Variants in SLC6A4 observed in about 807,000 individuals in gnomAD.
SLC6A4 encodes the protein solute carrier family 6 member 4.
SLC6A4 carries 22 observed loss-of-function variants against 73.4 expected under a neutral mutation model. The ratio of observed to expected loss-of-function variants is 0.30; its 90% confidence interval spans 0.21 to 0.43. SLC6A4 has a LOEUF of 0.43. SLC6A4 is among the 20% of genes least tolerant of loss of function. The pLI, the probability that SLC6A4 is intolerant of heterozygous loss-of-function variation, is 1.00. For synonymous variants in SLC6A4, 270 were observed against 315.5 expected (o/e 0.86, Z 1.53); for missense variants, 593 against 808.5 (o/e 0.73, Z 3.23).
At position 30,210,262 on chromosome 17, in the gene SLC6A4, A is replaced by C. The variant is rs80174841; in HGVS notation, c.1449+253T>G. 4.4e-3 allele frequency among the ~76,000 whole-genome samples: 675 copies of C among 152,300 alleles called. 6 individuals are homozygous for C. The highest frequency in any genetic ancestry group is 0.015 in the African/African-American group (638 of 41,566). On this transcript the variant is annotated intron_variant, in intron 11 of 14. Coordinates refer to ENST00000650711, the MANE Select transcript of SLC6A4 (RefSeq NM_001045.6). ...CCTAATTTTCTCCAGATAGTTTTTG[A>C]AGCCTGAAATCTAGTGGGATCTGCG...
rs1762125959 is a variant in SLC6A4 at position 30,235,438 on chromosome 17, C to T, written c.-221+175G>A. Among the ~76,000 whole-genome samples, 1 of 152,248 alleles carries T rather than the reference C, an allele frequency of 6.6e-6. No homozygotes were observed. ...TGGCCGGTCAGCTTCAGCTCTGGCT[C>T]TTGCTGAGCGTGGAGGGCGCAGGGG... On this transcript the variant is annotated intron_variant, in intron 1 of 14. Transcript: ENST00000650711. This position sits in a 1 kb window ranked among gnomAD's most constrained non-coding sequence, Gnocchi z 4.5.
In SLC6A4 at chr17:30,220,778, G is replaced by A. The variant is rs1004620645; in HGVS notation, c.343+838C>T. 5.3e-5 allele frequency among the ~76,000 whole-genome samples: 8 copies of A among 152,124 alleles called. No homozygotes were observed. The East Asian group carries it at 9.7e-4, about 18-fold the overall frequency. On this transcript the variant is annotated intron_variant, in intron 3 of 14. Transcript: ENST00000650711. ...TGAAGGGACTCAGCACAGGGCTGACGGCCATTCCCTCACTTCTGGCTGGGG... is the reference window on the plus strand; with the variant it reads ...TGAAGGGACTCAGCACAGGGCTGACAGCCATTCCCTCACTTCTGGCTGGGG...
intron 14 of SLC6A4, among the ~76,000 whole-genome samples, chr17:30,199,217 ATGGATCTGAAATATACT>A (rs1261359820): frequency 6.6e-6 from 1 of 151,866 alleles, no homozygotes; most frequent in Non-Finnish European, 1.5e-5. Flanking sequence ...AAGCTTTAAG[ATGGATCTGAAATATACT>A]TGGGCTTAGG....
At chr17:30,210,321 G>A (rs773348084) in intron 11 of SLC6A4, among the ~76,000 whole-genome samples, 194 bp downstream of exon 11, 5 of 152,160 alleles carry the variant, frequency 3.3e-5, no homozygotes, top group Non-Finnish European at 5.9e-5. Context: ...TACTATGCAC[G>A]GAATCTGCAA....
At chr17:30,233,300 T>C (rs1907169851) in intron 1 of SLC6A4, among the ~76,000 whole-genome samples, 1 of 152,118 alleles carries the variant, frequency 6.6e-6, no homozygotes, top group African/African-American at 2.4e-5. Flanking sequence ...CTGGGGGCTA[T>C]TTCTACCGCA....
intron 10 of SLC6A4, 63 bp from the exon 11 acceptor site, chr17:30,210,709 A>G: frequency 1.3e-6 from 2 of 1,532,406 alleles, no homozygotes; most frequent in Non-Finnish European, 1.8e-6. Context: ...CCTTCAGGAC[A>G]GTGAACAGGA....
chr17:30,211,352 A>T lies in SLC6A4; in HGVS notation c.1277T>A (p.Ile426Asn). The change falls in exon 10 of 15, where the codon ATC (isoleucine) becomes AAC (asparagine). Residue 426 changes from isoleucine to asparagine, a missense_variant. Transcript: ENST00000650711. This position sits in a 1 kb window ranked among gnomAD's most constrained non-coding sequence, Gnocchi z 4.0. ...CAGCGTGATTAACATCAGAAAGAAG[A>T]TGATGGCAAAGAAAGTGGACGCTGG... is the stretch of plus-strand genomic sequence containing the variant. The part of the protein sequence containing the change: ...NMPASTFFAI[I>N]FFLMLITLGL... 2 of 1,613,608 alleles carry T rather than the reference A, an allele frequency of 1.2e-6. No individual in the cohort carries two copies. The highest frequency in any genetic ancestry group is 1.1e-5 in the South Asian group (1 of 91,062).
chr17:30,202,961 T>G (rs1157660964), intron 14 of SLC6A4, among the ~76,000 whole-genome samples: 1 of 152,230 alleles, frequency 6.6e-6, no homozygotes, highest in African/African-American at 2.4e-5. Context: ...ATCAGCTCAC[T>G]CTTTTGCCCT....
chr17:30,214,410 G>A lies in SLC6A4; in HGVS notation c.1076+1201C>T, dbSNP rs182582770. On this transcript the variant is annotated intron_variant, in intron 8 of 14. Coordinates refer to ENST00000650711, the MANE Select transcript of SLC6A4 (RefSeq NM_001045.6). Reference sequence around the variant, plus strand: ...GCACTCCAGCCTGGACAACAAGAGCGAAACTCCGTCTCAAAAAAAAAAAAA... The same window carrying A: ...GCACTCCAGCCTGGACAACAAGAGCAAAACTCCGTCTCAAAAAAAAAAAAA... 4.6e-3 allele frequency among the ~76,000 whole-genome samples: 288 copies of A among 62,488 alleles called. 4 individuals are homozygous for A. The highest frequency in any genetic ancestry group is 0.02 in the Middle Eastern group (1 of 50). 41.0% of individuals were successfully genotyped at this position (62,488 alleles called of 152,430 possible).
chr17:30,201,079 G>A (rs1346742340), intron 14 of SLC6A4, among the ~76,000 whole-genome samples: 5 of 152,172 alleles, frequency 3.3e-5, no homozygotes, highest in Admixed American at 6.5e-5. Flanking sequence ...CACTGTGCCC[G>A]GCCAAGAAAC....
rs1037185021 is a variant in SLC6A4, at chr17:30,196,841, G to T, written c.*1615C>A. ...AAAGTATCTCGCTAGGAGAAGCAAA[G>T]AATCAGAAATAGCAGGGCATGGGGA... On this transcript the variant is annotated 3_prime_UTR_variant, in exon 15 of 15. Transcript: ENST00000650711. 6.6e-6 allele frequency: 1 copy of T among 152,456 alleles called. No individual in the cohort carries two copies. Among genetic ancestry groups the T allele is most frequent in the East Asian group, 1.9e-4 (1 of 5,296 alleles). The allele number at this position is 152,456 out of a possible 1,614,324, so 9.4% of individuals were successfully genotyped here.
intron 6 of SLC6A4, among the ~76,000 whole-genome samples, chr17:30,216,676 CTT>C (rs937080895): frequency 1.4e-5 from 2 of 143,532 alleles, no homozygotes; most frequent in Non-Finnish European, 1.5e-5. Context: ...TTTTCTTTTC[CTT>C]TTTTTTTTTA....
In SLC6A4 at chr17:30,221,562, C is replaced by CGGGTCACAGCCCACCCT. The variant is rs1256843054; in HGVS notation, c.343+37_343+53dup. 4 of 1,516,644 alleles carry CGGGTCACAGCCCACCCT rather than the reference C, an allele frequency of 2.6e-6. No individual in the cohort carries two copies. In the East Asian group the frequency reaches 6.8e-5, roughly 26 times the overall value. The allele number at this position is 1,516,644 out of a possible 1,614,324, so 93.9% of individuals were successfully genotyped here. ...GCCCACCCCGGGTCACAGCCCACTC[C>CGGGTCACAGCCCACCCT]GGGTCACAGCCCACCCTGGGTCACA... On this transcript the variant is annotated intron_variant, in intron 3 of 14. Transcript: ENST00000650711.
chr17:30,234,732 T>C (rs1427002180), intron 1 of SLC6A4, among the ~76,000 whole-genome samples: 1 of 152,200 alleles, frequency 6.6e-6, no homozygotes, highest in Admixed American at 6.5e-5. Context: ...AATAATCCAT[T>C]GACCAGGTTC....
Position 30,210,596 on chromosome 17 carries a change from G to A in SLC6A4, c.1368C>T (p.His456=), listed in dbSNP as rs201659393. ...ACCGCTCCCGGCGCTTGGCCCAGAC[G>A]TGTGGGAACTCATCCAGCACAGCCG... ...VITAVLDEFP[H]VWAKRRERFV... is the part of the protein sequence containing the mutation. The change falls in exon 11 of 15, where the codon CAC becomes CAT. Residue 456 remains histidine (H), a synonymous_variant. Transcript: ENST00000650711. 1.4e-4 allele frequency: 219 copies of A among 1,613,694 alleles called. No individual in the cohort carries two copies. The highest frequency in any genetic ancestry group is 1.7e-4 in the Non-Finnish European group (197 of 1,179,900).
intron 13 of SLC6A4, among the ~76,000 whole-genome samples, chr17:30,204,839 G>A (rs114870919): frequency 2.3e-3 from 352 of 152,134 alleles, no homozygotes; most frequent in African/African-American, 8.3e-3. Context: ...TGGGAATTAT[G>A]AGTAGTGCGC....
At chr17:30,213,877 G>A (rs1412959591) in intron 8 of SLC6A4, among the ~76,000 whole-genome samples, 1 of 151,978 alleles carries the variant, frequency 6.6e-6, no homozygotes, top group Non-Finnish European at 1.5e-5. Flanking sequence ...CTCCTGAAGA[G>A]CTGGGACCAT....
intron 1 of SLC6A4, among the ~76,000 whole-genome samples, chr17:30,234,877 T>A (rs1907221948): frequency 1.3e-5 from 2 of 152,182 alleles, no homozygotes; most frequent in Admixed American, 1.3e-4. Flanking sequence ...AAAGCCCCAG[T>A]TCAGAAGAAA....
chr17:30,203,196 G>C lies in SLC6A4; in HGVS notation c.1794C>G (p.Ile598Met). Reference sequence around the variant, plus strand: ...CCTCTTTAAATGTCCCTGGAGTGATGATCAACCGATAAGCTATATATGTGG... The same window carrying C: ...CCTCTTTAAATGTCCCTGGAGTGATCATCAACCGATAAGCTATATATGTGG... ...CIPTYIAYRLIITPGTFKERI... is the reference protein window; with the variant it reads ...CIPTYIAYRLMITPGTFKERI... Residue 598 changes from isoleucine (I) to methionine (M), a missense_variant, in exon 14 of 15, where the codon ATC becomes ATG. Ile to Met is a conservative substitution (Grantham distance 10). Coordinates refer to ENST00000650711, the MANE Select transcript of SLC6A4 (RefSeq NM_001045.6). 6.2e-7 allele frequency: 1 copy of C among 1,613,794 alleles called. No homozygotes were observed. Among genetic ancestry groups the C allele is most frequent in the South Asian group, 1.1e-5 (1 of 91,068 alleles).
Sources: allele counts gnomAD v4.1 joint callset (sites outside exome capture counted in the v4.1 genomes callset), GRCh38; gene constraint gnomAD v4.1.1; non-coding constraint Gnocchi (gnomAD v3.1); transcripts MANE v1.5; gene names NCBI Gene and HGNC (gene_info 2026-07-23, HGNC 2026-07-21).